RNF169: variants seen among roughly 807,000 people sequenced by gnomAD.
RNF169 encodes the protein ring finger protein 169, also known as E3 ubiquitin-protein ligase RNF169.
In RNF169, 24 loss-of-function variants were observed where a neutral mutation model predicts 53.9. That is an observed-to-expected ratio of 0.45 (90% CI 0.32 to 0.63). The LOEUF is 0.63. RNF169 is among the 20% of genes least tolerant of loss of function. RNF169 has a pLI of 0.04. For missense variants in RNF169, 883 were observed against 906.2 expected (o/e 0.97, Z 0.33); for synonymous variants, 396 against 363.5 (o/e 1.09, Z -1.02).
At chr11:74,825,295 G>A (rs1367755254) in intron 4 of RNF169, among the ~76,000 whole-genome samples, 1 of 151,976 alleles carries the variant, frequency 6.6e-6, no homozygotes, top group African/African-American at 2.4e-5. Flanking sequence ...TTGATAGGAA[G>A]AAAACTGGAA....
chr11:74,784,495 C>CTT (rs1591402825), intron 1 of RNF169, among the ~76,000 whole-genome samples: 1 of 152,274 alleles, frequency 6.6e-6, no homozygotes, highest in East Asian at 1.9e-4. Context: ...CTGGGGAAAA[C>CTT]CCATCACAAG....
chr11:74,798,488 C>G (rs2035682153), intron 2 of RNF169, among the ~76,000 whole-genome samples: 1 of 152,342 alleles, frequency 6.6e-6, no homozygotes, highest in Admixed American at 6.5e-5. Context: ...TCTCAAAACC[C>G]TGTCTCCTGA....
chr11:74,808,479 C>T (rs1032700595), intron 2 of RNF169, among the ~76,000 whole-genome samples: 2 of 152,162 alleles, frequency 1.3e-5, no homozygotes, highest in African/African-American at 4.8e-5. Flanking sequence ...AATGTTCTGG[C>T]AAGTTGGGGA....
chr11:74,802,757 A>C (rs1170741229), intron 2 of RNF169, among the ~76,000 whole-genome samples: 2 of 152,162 alleles, frequency 1.3e-5, no homozygotes, highest in African/African-American at 4.8e-5. Flanking sequence ...ATAGAATCTG[A>C]TGCACTGTAA....
At chr11:74,752,285 C>G (rs184930537) in intron 1 of RNF169, among the ~76,000 whole-genome samples, 5 of 150,086 alleles carry the variant, frequency 3.3e-5, no homozygotes. Flanking sequence ...CTCTTACCCC[C>G]TTATTTCTCA....
intron 1 of RNF169, among the ~76,000 whole-genome samples, chr11:74,768,048 T>C (rs1438822697): frequency 6.6e-6 from 1 of 152,182 alleles, no homozygotes; most frequent in Admixed American, 6.5e-5. Flanking sequence ...CAAGACCATT[T>C]TGAAGAACAC....
chr11:74,783,333 T>C (rs2035444753), intron 1 of RNF169, among the ~76,000 whole-genome samples: 1 of 152,136 alleles, frequency 6.6e-6, no homozygotes, highest in Non-Finnish European at 1.5e-5. Context: ...TAGCTGTTCC[T>C]GTAATTCACA....
intron 1 of RNF169, among the ~76,000 whole-genome samples, chr11:74,779,267 T>G (rs1416642590): frequency 6.6e-6 from 1 of 152,200 alleles, no homozygotes; most frequent in Non-Finnish European, 1.5e-5. Context: ...TCTGTTTGAT[T>G]AGTACTTTGC....
intron 1 of RNF169, among the ~76,000 whole-genome samples, chr11:74,776,001 T>A (rs1009543479): frequency 2.6e-5 from 4 of 152,206 alleles, no homozygotes; most frequent in Non-Finnish European, 5.9e-5. Flanking sequence ...CTAGTCATCT[T>A]TAAATATGCC....
At chr11:74,824,475 C>G (rs2036063695) in intron 4 of RNF169, among the ~76,000 whole-genome samples, 1 of 152,042 alleles carries the variant, frequency 6.6e-6, no homozygotes, top group Non-Finnish European at 1.5e-5. Context: ...AAACACTAAT[C>G]AAATTTAATG....
At position 74,840,728 on chromosome 11, in the gene RNF169, C is replaced by T. The variant is rs1367696246; in HGVS notation, c.*3998C>T. 6.6e-6 allele frequency: 1 copy of T among 151,520 alleles called. No individual in the cohort carries two copies. The highest frequency in any genetic ancestry group is 1.5e-5 in the Non-Finnish European group (1 of 67,962). 9.4% of individuals were successfully genotyped at this position (151,520 alleles called of 1,614,324 possible). On this transcript the variant is annotated 3_prime_UTR_variant, in exon 6 of 6. Transcript: ENST00000299563. ...GCTGGGTCACAGTCATAGAATGTTA[C>T]AGCTGGAATGGGCATGGAAATCATC...
intron 1 of RNF169, among the ~76,000 whole-genome samples, chr11:74,780,969 C>T (rs1344738136): frequency 1.3e-5 from 2 of 152,204 alleles, no homozygotes; most frequent in Non-Finnish European, 2.9e-5. Context: ...GATGTATAGC[C>T]TCTTGCCCTC....
In RNF169 at chr11:74,834,735, C is replaced by T. The variant is rs375919416; in HGVS notation, c.902C>T (p.Ala301Val). The T allele has an allele frequency of 9.9e-6, 16 of 1,613,694 alleles. No individual in the cohort carries two copies. Among genetic ancestry groups the T allele is most frequent in the South Asian group, 2.2e-5 (2 of 91,036 alleles). The change falls in exon 5 of 6, where the codon GCG (alanine) becomes GTG (valine). Residue 301 changes from alanine (A) to valine (V), a missense_variant. Around this residue, in one of 3 missense-constraint regions of RNF169, gnomAD observed 219 missense variants for 289.1 expected, o/e 0.76. Coordinates refer to ENST00000299563, the MANE Select transcript of RNF169 (RefSeq NM_001098638.2). ...QSCSDTAQER[A>V]KSRVRAVPGN... ...TGTAGTGACACAGCCCAGGAAAGAGCGAAGAGCAGAGTCAGAGCAGTTCCA... is the reference window on the plus strand; with the variant it reads ...TGTAGTGACACAGCCCAGGAAAGAGTGAAGAGCAGAGTCAGAGCAGTTCCA...
intron 1 of RNF169, among the ~76,000 whole-genome samples, chr11:74,752,691 C>A (rs1296565638): frequency 6.6e-6 from 1 of 151,128 alleles, no homozygotes; most frequent in Non-Finnish European, 1.5e-5. Context: ...CATTTTTATA[C>A]AAAAGGTTGT....
Position 74,749,005 on chromosome 11 carries a change from C to A in RNF169, c.125C>A (p.Ala42Asp), listed in dbSNP as rs1250149108. The A allele has an allele frequency of 1.3e-6, 2 of 1,499,044 alleles. No homozygotes were observed. Among genetic ancestry groups the A allele is most frequent in the Non-Finnish European group, 8.9e-7 (1 of 1,120,848 alleles). 92.9% of individuals were successfully genotyped at this position (1,499,044 alleles called of 1,614,324 possible). ...GCTAAGACTGGGGCCCCAGGCCCGG[C>A]TTCTGGACCTTCGCTGTTGGTGTTG... ...AAAKTGAPGP[A>D]SGPSLLVLSP... is the part of the protein sequence containing the mutation. The change falls in exon 1 of 6, where the codon GCT (alanine) becomes GAT (aspartate). Residue 42 changes from alanine to aspartate, a missense_variant. Physicochemically the swap from Ala to Asp is moderately radical, Grantham distance 126 (BLOSUM62 -2). This residue lies in a region of RNF169 where 313 missense variants were observed against 279.9 expected (regional missense o/e 1.12). Transcript: ENST00000299563.
chr11:74,784,183 A>G (rs1337812225), intron 1 of RNF169, among the ~76,000 whole-genome samples: 1 of 152,244 alleles, frequency 6.6e-6, no homozygotes, highest in African/African-American at 2.4e-5. Context: ...AAAAATTTAG[A>G]GAAACATATT....
chr11:74,788,314 C>T (rs1242652471), intron 1 of RNF169, among the ~76,000 whole-genome samples: 1 of 151,900 alleles, frequency 6.6e-6, no homozygotes, highest in Non-Finnish European at 1.5e-5. Flanking sequence ...CACACACACA[C>T]ACACACACAC....
intron 1 of RNF169, among the ~76,000 whole-genome samples, chr11:74,784,654 T>A (rs185270241): frequency 2.5e-4 from 38 of 152,238 alleles, no homozygotes; most frequent in African/African-American, 8.4e-4. Flanking sequence ...ATAGGCACCC[T>A]CTACCTAGCA....
intron 1 of RNF169, among the ~76,000 whole-genome samples, chr11:74,752,048 A>G (rs2034903761): frequency 1.3e-5 from 2 of 151,828 alleles, no homozygotes; most frequent in Admixed American, 1.3e-4. Flanking sequence ...TCTGGCCAAC[A>G]TGGTGAAACC....
Sources: allele counts gnomAD v4.1 joint callset (sites outside exome capture counted in the v4.1 genomes callset), GRCh38; gene constraint gnomAD v4.1.1; regional missense constraint gnomAD v4.1.1; transcripts MANE v1.5; gene names NCBI Gene and HGNC (gene_info 2026-07-23, HGNC 2026-07-21).